Variants in KIF16B observed in about 807,000 individuals in gnomAD.
KIF16B encodes the protein kinesin-like protein KIF16B.
In KIF16B, 98 loss-of-function variants were observed where a neutral mutation model predicts 156.3. That is an observed-to-expected ratio of 0.63 (90% CI 0.53 to 0.74). KIF16B has a LOEUF of 0.74. Among genes scored for constraint, KIF16B ranks in the 30% least tolerant of loss-of-function variants. The pLI is 0.00. For synonymous variants in KIF16B, 564 were observed against 583.7 expected, an observed-to-expected ratio of 0.97 and a Z score of 0.49; for missense variants, 1,421 against 1,606.5, an observed-to-expected ratio of 0.88 and a Z score of 1.97.
intron 25 of KIF16B, among the ~76,000 whole-genome samples, chr20:16,292,183 T>C (rs1354111254): frequency 2.0e-5 from 3 of 152,210 alleles, no homozygotes; most frequent in Non-Finnish European, 4.4e-5. Context: ...GAAAAGTATA[T>C]ATGTAAATGT....
At chr20:16,360,507 C>T (rs2064531226) in intron 22 of KIF16B, among the ~76,000 whole-genome samples, 1 of 152,074 alleles carries the variant, frequency 6.6e-6, no homozygotes, top group Non-Finnish European at 1.5e-5. Flanking sequence ...GAACACCTCT[C>T]TGCAAGCAGA....
rs1369984174 is a variant in KIF16B, at chr20:16,312,386, T to C, written c.3744A>G (p.Leu1248=). 1 of 1,613,530 alleles carries C rather than the reference T, an allele frequency of 6.2e-7. No individual in the cohort carries two copies. Residue 1248 remains leucine, a synonymous_variant, in exon 25 of 26, where the codon CTA becomes CTG. Transcript: ENST00000354981. ...LAALEFPPKK[L]FGNKDERVIA... is the part of the protein sequence containing the mutation. ...TCACACGTTCATCCTTATTTCCAAA[T>C]AGTTTCTTTGGAGGAAATTCAAGGG...
In KIF16B at chr20:16,479,414, G is replaced by A. The variant is rs1424462432; in HGVS notation, c.1302+14877C>T. Among the ~76,000 whole-genome samples the A allele has an allele frequency of 2.0e-5, 3 of 152,074 alleles. No individual in the cohort carries two copies. In the East Asian group the frequency reaches 5.8e-4, roughly 29 times the overall value. On this transcript the variant is annotated intron_variant, in intron 12 of 25. Coordinates refer to ENST00000354981, the MANE Select transcript of KIF16B (RefSeq NM_024704.5). ...CAGGAAAAATAGCTACCGAATGCGG[G>A]GCTTAATACCTAGGTGATGGGTTGA... is the stretch of plus-strand genomic sequence containing the variant.
chr20:16,500,321 C>T (rs1025373310), intron 10 of KIF16B, among the ~76,000 whole-genome samples: 19 of 152,124 alleles, frequency 1.2e-4, no homozygotes, highest in Non-Finnish European at 2.5e-4. Flanking sequence ...TCCTTTGCCC[C>T]CTTTCCTGCT....
intron 24 of KIF16B, among the ~76,000 whole-genome samples, chr20:16,315,043 TG>T (rs2063676760): frequency 6.6e-6 from 1 of 152,090 alleles, no homozygotes; most frequent in South Asian, 2.1e-4. Context: ...GATGAGGTGA[TG>T]TGGTTTCTGT....
chr20:16,567,351 TATCTA>T (rs1349199729), intron 1 of KIF16B, among the ~76,000 whole-genome samples: 1 of 152,168 alleles, frequency 6.6e-6, no homozygotes. Context: ...TCCACCCTCT[TATCTA>T]AAGAGATGGC....
At chr20:16,500,540 T>G (rs1013599275) in intron 10 of KIF16B, among the ~76,000 whole-genome samples, 2 of 152,214 alleles carry the variant, frequency 1.3e-5, no homozygotes, top group African/African-American at 4.8e-5. Context: ...GTGACAAATG[T>G]GTGTGGCTTT....
chr20:16,349,996 C>T (rs560897143), intron 23 of KIF16B, among the ~76,000 whole-genome samples: 4 of 152,194 alleles, frequency 2.6e-5, no homozygotes, highest in Non-Finnish European at 4.4e-5. Flanking sequence ...GGAACACTTC[C>T]GTGAGGTTAT....
Position 16,452,606 on chromosome 20 carries a change from T to C in KIF16B, c.1303-22624A>G, listed in dbSNP as rs948797530. ...ATCCCAGCACTTTAGGACGCAGAGG[T>C]GGGTGGATCACGAGGTCAGGAGATC... On this transcript the variant is annotated intron_variant, in intron 12 of 25. Coordinates refer to ENST00000354981, the MANE Select transcript of KIF16B (RefSeq NM_024704.5). Among the ~76,000 whole-genome samples, 5 of 151,576 alleles carry C rather than the reference T, an allele frequency of 3.3e-5. No homozygotes were observed. In the East Asian group the frequency reaches 7.8e-4, roughly 24 times the overall value.
At chr20:16,311,123 A>G (rs1010814217) in intron 25 of KIF16B, among the ~76,000 whole-genome samples, 1 of 152,230 alleles carries the variant, frequency 6.6e-6, no homozygotes, top group Non-Finnish European at 1.5e-5. Flanking sequence ...TTCACAATCC[A>G]GAAAGGGCTC....
chr20:16,456,181 G>C (rs143985907), intron 12 of KIF16B, among the ~76,000 whole-genome samples: 23 of 149,972 alleles, frequency 1.5e-4, no homozygotes, highest in Admixed American at 6.7e-5. Flanking sequence ...TGATGATCTG[G>C]CCTAATCTGG....
At chr20:16,277,720 C>T (rs768912451) in intron 25 of KIF16B, among the ~76,000 whole-genome samples, 6 of 151,906 alleles carry the variant, frequency 3.9e-5, no homozygotes, top group Middle Eastern at 6.3e-3. Flanking sequence ...AAGAGCATTG[C>T]GAAAACTGAA....
At chr20:16,490,111 C>T (rs2068243866) in intron 12 of KIF16B, among the ~76,000 whole-genome samples, 3 of 152,258 alleles carry the variant, frequency 2.0e-5, no homozygotes, top group South Asian at 2.1e-4. Context: ...TTACGACACC[C>T]TAAAATTCAT....
chr20:16,453,492 A>T (rs749888135), intron 12 of KIF16B, among the ~76,000 whole-genome samples: 23 of 152,260 alleles, frequency 1.5e-4, no homozygotes, highest in Middle Eastern at 3.4e-3. Context: ...ATCCACACAC[A>T]TACAAACACC....
intron 25 of KIF16B, among the ~76,000 whole-genome samples, chr20:16,287,073 TG>T (rs1195572943): frequency 6.6e-6 from 1 of 152,130 alleles, no homozygotes; most frequent in Non-Finnish European, 1.5e-5. Flanking sequence ...AATAAAATGG[TG>T]GTTGTTTTTA....
chr20:16,508,798 A>C (rs1254556324), intron 6 of KIF16B, among the ~76,000 whole-genome samples: 4 of 152,244 alleles, frequency 2.6e-5, no homozygotes, highest in African/African-American at 9.6e-5. Flanking sequence ...CATTAGTCAT[A>C]GCACATACAA....
intron 24 of KIF16B, among the ~76,000 whole-genome samples, chr20:16,317,545 G>A (rs539984383): frequency 1.8e-4 from 28 of 152,300 alleles, no homozygotes; most frequent in East Asian, 3.9e-4. Flanking sequence ...GTTGAAAAGC[G>A]TGACTGCACC....
intron 17 of KIF16B, among the ~76,000 whole-genome samples, chr20:16,384,182 A>G (rs2065171969): frequency 6.6e-6 from 1 of 152,162 alleles, no homozygotes; most frequent in Non-Finnish European, 1.5e-5. Context: ...ATTTTAACTG[A>G]GCACCTACTT....
chr20:16,276,225 T>C (rs1255635718), intron 25 of KIF16B, among the ~76,000 whole-genome samples: 1 of 152,100 alleles, frequency 6.6e-6, no homozygotes, highest in Admixed American at 6.6e-5. Context: ...GTACACAAAG[T>C]AGGGTCCCTA....
Sources: allele counts gnomAD v4.1 joint callset (sites outside exome capture counted in the v4.1 genomes callset), GRCh38; gene constraint gnomAD v4.1.1; transcripts MANE v1.5; gene names NCBI Gene and HGNC (gene_info 2026-07-23, HGNC 2026-07-21).